NEDD4L: variants seen among roughly 807,000 people sequenced by gnomAD.
NEDD4L encodes E3 ubiquitin-protein ligase NEDD4-like.
Under a neutral mutation model 148.9 loss-of-function variants are expected in NEDD4L, and 54 were observed. The ratio of observed to expected loss-of-function variants is 0.36; its 90% CI spans 0.29 to 0.45. The LOEUF is 0.45. NEDD4L is among the 20% of genes least tolerant of loss of function. NEDD4L has a pLI of 1.00. For synonymous variants in NEDD4L, 433 were observed against 440.7 expected (o/e 0.98, Z 0.22); for missense variants, 856 against 1,233.8 (o/e 0.69, Z 4.59).
intron 20 of NEDD4L, 50 bp downstream of exon 20, chr18:58,364,383 T>G: frequency 1.7e-6 from 2 of 1,155,668 alleles, no homozygotes; most frequent in Non-Finnish European, 2.5e-6. Context: ...ATTTGTAAGT[T>G]ACCACAGTCA....
intron 2 of NEDD4L, among the ~76,000 whole-genome samples, chr18:58,228,690 T>A (rs1046164241): frequency 6.6e-6 from 1 of 152,228 alleles, no homozygotes; most frequent in African/African-American, 2.4e-5. Context: ...TGCTCAAGCC[T>A]GAGGTCCTGG....
chr18:58,229,535 G>T (rs971845270), intron 2 of NEDD4L, among the ~76,000 whole-genome samples: 1 of 152,160 alleles, frequency 6.6e-6, no homozygotes, highest in African/African-American at 2.4e-5. Flanking sequence ...TAATATAATT[G>T]TCATTGCTCT....
intron 5 of NEDD4L, chr18:58,255,716 G>C: frequency 8.1e-7 from 1 of 1,232,434 alleles, no homozygotes; most frequent in Non-Finnish European, 1.0e-6. Context: ...CCTAGACCAG[G>C]AGAGAGAAGA....
At chr18:58,347,225 C>G (rs1169896964) in intron 16 of NEDD4L, among the ~76,000 whole-genome samples, 2 of 119,332 alleles carry the variant, frequency 1.7e-5, no homozygotes, top group Non-Finnish European at 3.6e-5. Context: ...CCCCCCCCCC[C>G]CCTTTAAATC....
intron 2 of NEDD4L, among the ~76,000 whole-genome samples, chr18:58,245,203 T>C (rs1020592497): frequency 1.3e-5 from 2 of 152,242 alleles, no homozygotes; most frequent in African/African-American, 2.4e-5. Context: ...TTTAAAATTA[T>C]ATATATTTTT....
At chr18:58,243,627 C>A in intron 2 of NEDD4L, among the ~76,000 whole-genome samples, 1 of 152,174 alleles carries the variant, frequency 6.6e-6, no homozygotes, top group Non-Finnish European at 1.5e-5. Flanking sequence ...CCTGATTCAT[C>A]TGCCAGCCCA....
intron 11 of NEDD4L, among the ~76,000 whole-genome samples, chr18:58,332,894 A>T (rs1242520094): frequency 6.6e-6 from 1 of 152,214 alleles, no homozygotes; most frequent in Admixed American, 6.5e-5. Flanking sequence ...AGTTAGAGGA[A>T]TATTAAGACA....
At chr18:58,357,968 A>G (rs1365708951) in intron 19 of NEDD4L, among the ~76,000 whole-genome samples, 1 of 152,356 alleles carries the variant, frequency 6.6e-6, no homozygotes, top group Admixed American at 6.5e-5. Flanking sequence ...GTCAGTGGCT[A>G]TACGAGTGCA....
chr18:58,201,222 A>C (rs931556168), intron 2 of NEDD4L, among the ~76,000 whole-genome samples: 1 of 152,070 alleles, frequency 6.6e-6, no homozygotes. Context: ...AATCCCAGCT[A>C]CTTGGGAAGC....
chr18:58,362,367 G>T (rs2045600444), intron 19 of NEDD4L, among the ~76,000 whole-genome samples: 1 of 152,174 alleles, frequency 6.6e-6, no homozygotes, highest in South Asian at 2.1e-4. Context: ...ATAGTTGCTG[G>T]GAATCACAGA....
At chr18:58,305,046 A>G (rs980796180) in intron 5 of NEDD4L, among the ~76,000 whole-genome samples, 1 of 152,214 alleles carries the variant, frequency 6.6e-6, no homozygotes, top group African/African-American at 2.4e-5. Context: ...AAACAGGGGC[A>G]GCCAGAAATG....
In NEDD4L at chr18:58,245,518, G is replaced by A. The variant is rs761901138; in HGVS notation, c.204+10G>A. 9.1e-6 allele frequency: 13 copies of A among 1,429,484 alleles called. No homozygotes were observed. The highest frequency in any genetic ancestry group is 4.7e-5 in the East Asian group (2 of 42,796). 88.6% of individuals were successfully genotyped at this position (1,429,484 alleles called of 1,614,324 possible). On this transcript the variant is annotated intron_variant, in intron 3 of 30. Transcript: ENST00000400345. ...AAAAACAATTAAAAAGGTAGGTGTC[G>A]ATCTTTAACCAAATGTCATTTAAGT...
intron 1 of NEDD4L, among the ~76,000 whole-genome samples, chr18:58,132,756 C>A (rs1007761721): frequency 6.6e-6 from 1 of 152,078 alleles, no homozygotes; most frequent in Non-Finnish European, 1.5e-5. Context: ...GTGTTATTCT[C>A]TTTTTTGTTT....
chr18:58,165,310 T>A (rs557695881), intron 1 of NEDD4L, among the ~76,000 whole-genome samples: 7 of 152,268 alleles, frequency 4.6e-5, no homozygotes, highest in Non-Finnish European at 8.8e-5. Flanking sequence ...TATTTTTGCT[T>A]GTTGATGCCA....
At chr18:58,156,981 G>A (rs1487051596) in intron 1 of NEDD4L, among the ~76,000 whole-genome samples, 1 of 150,936 alleles carries the variant, frequency 6.6e-6, no homozygotes, top group East Asian at 1.9e-4. Flanking sequence ...AGGAGTTTGA[G>A]ACCAACTTGG....
intron 5 of NEDD4L, among the ~76,000 whole-genome samples, chr18:58,270,159 G>A (rs1448183311): frequency 1.3e-5 from 2 of 152,336 alleles, no homozygotes; most frequent in South Asian, 2.1e-4. Flanking sequence ...GTGCATTTTT[G>A]TGGCTTTTGA....
intron 5 of NEDD4L, among the ~76,000 whole-genome samples, chr18:58,295,252 G>T (rs1458953973): frequency 6.6e-6 from 1 of 152,110 alleles, no homozygotes; most frequent in African/African-American, 2.4e-5. Flanking sequence ...AAAATCCTCT[G>T]TGCTTCATCT....
intron 1 of NEDD4L, among the ~76,000 whole-genome samples, chr18:58,092,871 T>G (rs1361172622): frequency 6.6e-6 from 1 of 151,120 alleles, no homozygotes; most frequent in Non-Finnish European, 1.5e-5. Context: ...TTTTTGTTTT[T>G]TTTTTTGGAG....
intron 1 of NEDD4L, among the ~76,000 whole-genome samples, chr18:58,078,796 C>T (rs757146244): frequency 2.6e-5 from 4 of 152,070 alleles, no homozygotes; most frequent in Admixed American, 6.5e-5. Context: ...GAAGGTGAAA[C>T]GTGGTATTGG....
Sources: allele counts gnomAD v4.1 joint callset (sites outside exome capture counted in the v4.1 genomes callset), GRCh38; gene constraint gnomAD v4.1.1; transcripts MANE v1.5; gene names NCBI Gene and HGNC (gene_info 2026-07-23, HGNC 2026-07-21).